Variants in CC2D1A observed in about 807,000 individuals in gnomAD.
CC2D1A encodes coiled-coil and C2 domain-containing protein 1A.
Under a neutral mutation model 123.8 loss-of-function variants are expected in CC2D1A, and 68 were observed. The ratio of observed to expected loss-of-function variants is 0.55; its 90% confidence interval spans 0.45 to 0.67. The LOEUF (loss-of-function observed/expected upper bound fraction) is 0.67. Ranked by LOEUF, CC2D1A falls within the 30% of genes least tolerant of loss-of-function variation. CC2D1A has a pLI of 0.00. For missense variants in CC2D1A, 1,185 were observed against 1,290.3 expected, an observed-to-expected ratio of 0.92 and a Z score of 1.25; for synonymous variants, 477 against 528.0, an observed-to-expected ratio of 0.90 and a Z score of 1.32.
chr19:13,911,545 GTT>G (rs556216830), intron 2 of CC2D1A, among the ~76,000 whole-genome samples: 10,756 of 127,154 alleles, frequency 0.085, 1,329 homozygotes, highest in African/African-American at 0.29. Flanking sequence ...GTGTGTGTGT[GTT>G]TTTTTTTTTT....
intron 11 of CC2D1A, 93 bp from the exon 12 acceptor site, chr19:13,919,725 T>A: frequency 7.6e-7 from 1 of 1,312,850 alleles, no homozygotes; most frequent in African/African-American, 1.5e-5. Context: ...CCCAAGACTC[T>A]ATAGGTGGGA....
In CC2D1A at chr19:13,909,836, T is replaced by A; in HGVS notation, c.74T>A (p.Val25Asp). 1 of 1,586,490 alleles carries A rather than the reference T, an allele frequency of 6.3e-7. No individual in the cohort carries two copies. The highest frequency in any genetic ancestry group is 8.6e-7 in the Non-Finnish European group (1 of 1,162,202). ...CTGTTCCCCTAGCTGGGCCTGCTGG[T>A]TGACCTCTCCCCAGATGGCCTGATG... ...AAAARQLGLL[V>D]DLSPDGLMIP... The change falls in exon 2 of 29, where the codon GTT becomes GAT. Residue 25 changes from valine (V) to aspartate (D), a missense_variant. Transcript: ENST00000318003.
intron 1 of CC2D1A, among the ~76,000 whole-genome samples, chr19:13,908,109 G>A (rs550803799): frequency 9.2e-4 from 139 of 151,212 alleles, no homozygotes; most frequent in African/African-American, 3.2e-3. Flanking sequence ...GGGTTCAAGC[G>A]ATTCTCCTGC....
chr19:13,920,127 T>A, intron 12 of CC2D1A, 176 bp downstream of exon 12: 1 of 583,368 alleles, frequency 1.7e-6, no homozygotes, highest in Non-Finnish European at 3.0e-6. Context: ...GGGACTCACC[T>A]GTAGTCCCTG....
chr19:13,909,663 C>T (rs1277456924), intron 1 of CC2D1A, 160 bp from the exon 2 acceptor site: 1 of 909,878 alleles, frequency 1.1e-6, no homozygotes, highest in Non-Finnish European at 1.8e-6. Context: ...TCTTGGAACA[C>T]CTGTTCTGGG....
chr19:13,922,373 C>T (rs1971439430), intron 14 of CC2D1A, among the ~76,000 whole-genome samples: 2 of 152,228 alleles, frequency 1.3e-5, no homozygotes, highest in Admixed American at 1.3e-4. Flanking sequence ...ACACCAGGCA[C>T]TCTGCAACCT....
At position 13,909,828 on chromosome 19, in the gene CC2D1A, C is replaced by T. The variant is rs758862009; in HGVS notation, c.66C>T (p.Gly22=). The T allele has an allele frequency of 2.1e-5, 33 of 1,587,450 alleles. No homozygotes were observed. Among genetic ancestry groups the T allele is most frequent in the Non-Finnish European group, 2.8e-5 (33 of 1,162,414 alleles). Residue 22 remains glycine (G), a synonymous_variant, in exon 2 of 29, where the codon GGC becomes GGT. Transcript: ENST00000318003. ...AACCCTTGCTGTTCCCCTAGCTGGG[C>T]CTGCTGGTTGACCTCTCCCCAGATG... ...GRGAAAARQL[G]LLVDLSPDGL...
chr19:13,922,340 C>G (rs1374997177), intron 14 of CC2D1A, among the ~76,000 whole-genome samples: 1 of 152,130 alleles, frequency 6.6e-6, no homozygotes, highest in Non-Finnish European at 1.5e-5. Flanking sequence ...CTCACTCTTC[C>G]CCTTGCTGTC....
At chr19:13,913,678 T>C (rs1200368232) in intron 6 of CC2D1A, 40 bp downstream of exon 6, 2 of 1,461,744 alleles carry the variant, frequency 1.4e-6, no homozygotes, top group African/African-American at 2.8e-5. Context: ...GGGATCCGAG[T>C]GGGCCATCTG....
chr19:13,915,122 G>A (rs60780573), intron 6 of CC2D1A, among the ~76,000 whole-genome samples: 19,343 of 152,252 alleles, frequency 0.13, 4,001 homozygotes, highest in African/African-American at 0.43. Flanking sequence ...CAACTGAAAC[G>A]ACCAAAAATT....
At chr19:13,919,677 C>CA (rs375915996) in intron 11 of CC2D1A, 141 bp from the exon 12 acceptor site, 48,085 of 616,130 alleles carry the variant, frequency 0.078, no homozygotes, top group Middle Eastern at 0.093. Context: ...GATCCTGTCT[C>CA]AAAAAAAAAA....
rs1971026491 is a variant in CC2D1A at position 13,912,321 on chromosome 19, A to G, written c.197-2A>G. On this transcript the variant is annotated splice_acceptor_variant, in intron 2 of 28. Transcript: ENST00000318003. LOFTEE classifies it high-confidence loss of function. The stretch of plus-strand genomic sequence containing the variant: ...CCACCTGGGGCATCCCCCTACCGCC[A>G]GGTCCCTTGCCGATGGAGGCCATTG... 1 of 1,595,412 alleles carries G rather than the reference A, an allele frequency of 6.3e-7. No homozygotes were observed. The highest frequency in any genetic ancestry group is 8.5e-7 in the Non-Finnish European group (1 of 1,171,426).
At chr19:13,919,269 C>G in intron 11 of CC2D1A, 67 bp downstream of exon 11, 6 of 1,281,546 alleles carry the variant, frequency 4.7e-6, no homozygotes, top group Non-Finnish European at 6.4e-6. Flanking sequence ...CCCCAGAGGC[C>G]CCGCCGCTGG....
Position 13,919,202 on chromosome 19 carries a change from GGTAGGCCTTGCCCCT to G in CC2D1A, c.1222+9_1222+23del, listed in dbSNP as rs747379192. ...TGTCGCTGAATTGCCCGTGCCCCCAGGTAGGCCTTGCCCCTGTAGGCCTCGCCCCAGTAGGCCCCG... is the reference window on the plus strand; with the variant it reads ...TGTCGCTGAATTGCCCGTGCCCCCAGGTAGGCCTCGCCCCAGTAGGCCCCG... On this transcript the variant is annotated splice_donor_variant and splice_donor_5th_base_variant and intron_variant, in intron 11 of 28. Coordinates refer to ENST00000318003, the MANE Select transcript of CC2D1A (RefSeq NM_017721.5). LOFTEE classifies it high-confidence loss of function. 14 of 1,611,002 alleles carry G rather than the reference GGTAGGCCTTGCCCCT, an allele frequency of 8.7e-6. No individual in the cohort carries two copies. Among genetic ancestry groups the G allele is most frequent in the Middle Eastern group, 1.6e-4 (1 of 6,064 alleles).
Position 13,918,595 on chromosome 19 carries a change from C to T in CC2D1A, c.946+19C>T. 6.2e-7 allele frequency: 1 copy of T among 1,611,470 alleles called. No individual in the cohort carries two copies. The highest frequency in any genetic ancestry group is 2.2e-5 in the East Asian group (1 of 44,884). Reference sequence around the variant, plus strand: ...CCACCCGGTGAGAACCCTGCCATGCCCACTCTCTGGGATGGTTTCAGGCAT... The same window carrying T: ...CCACCCGGTGAGAACCCTGCCATGCTCACTCTCTGGGATGGTTTCAGGCAT... On this transcript the variant is annotated intron_variant, in intron 8 of 28. Transcript: ENST00000318003.
At chr19:13,918,668 G>A in intron 8 of CC2D1A, 78 bp from the exon 9 acceptor site, 1 of 1,582,738 alleles carries the variant, frequency 6.3e-7, no homozygotes, top group Non-Finnish European at 8.6e-7. Flanking sequence ...CAGGCCCAGA[G>A]ACCACCCTCA....
At position 13,913,643 on chromosome 19, in the gene CC2D1A, G is replaced by T; in HGVS notation, c.748+5G>T. On this transcript the variant is annotated splice_donor_5th_base_variant and intron_variant, in intron 6 of 28. Coordinates refer to ENST00000318003, the MANE Select transcript of CC2D1A (RefSeq NM_017721.5). Reference sequence around the variant, plus strand: ...CTAAGCCCCAGATGCCCCCAGGTAGGTGATGGGCAGGGCCGGGCTGATATG... The same window carrying T: ...CTAAGCCCCAGATGCCCCCAGGTAGTTGATGGGCAGGGCCGGGCTGATATG... 1 of 1,595,194 alleles carries T rather than the reference G, an allele frequency of 6.3e-7. No individual in the cohort carries two copies. Among genetic ancestry groups the T allele is most frequent in the South Asian group, 1.1e-5 (1 of 89,516 alleles).
chr19:13,928,154 C>T lies in CC2D1A; in HGVS notation c.2485C>T (p.Pro829Ser). The change falls in exon 24 of 29, where the codon CCT becomes TCT. Residue 829 changes from proline to serine, a missense_variant. Physicochemically the swap from Pro to Ser is moderately conservative, Grantham distance 74. Coordinates refer to ENST00000318003, the MANE Select transcript of CC2D1A (RefSeq NM_017721.5). ...QVAGPKGKAP[P>S]VPAPARESGN... ...TGCTGGGCCCAAAGGGAAGGCCCCT[C>T]CTGTGCCTGCCCCTGCAAGGGAGTC... The T allele has an allele frequency of 3.7e-6, 6 of 1,613,664 alleles. No individual in the cohort carries two copies. The highest frequency in any genetic ancestry group is 5.1e-6 in the Non-Finnish European group (6 of 1,179,960).
intron 1 of CC2D1A, among the ~76,000 whole-genome samples, chr19:13,907,866 C>T (rs2145287153): frequency 6.6e-6 from 1 of 152,166 alleles, no homozygotes; most frequent in South Asian, 2.1e-4. Context: ...ACATAATTGC[C>T]AATATTTGGC....
Sources: allele counts gnomAD v4.1 joint callset (sites outside exome capture counted in the v4.1 genomes callset), GRCh38; gene constraint gnomAD v4.1.1; transcripts MANE v1.5; gene names NCBI Gene and HGNC (gene_info 2026-07-23, HGNC 2026-07-21).